BCAS3: variants seen among roughly 807,000 people sequenced by gnomAD.
The protein encoded by BCAS3 is BCAS4/BCAS3 fusion.
Under a neutral mutation model 116.1 loss-of-function variants are expected in BCAS3, and 53 were observed. That is an observed-to-expected ratio of 0.46 (90% CI 0.37 to 0.57). The LOEUF (loss-of-function observed/expected upper bound fraction) is 0.57, where lower values mean the gene tolerates loss of function less well. Ranked by LOEUF, BCAS3 falls within the 20% of genes least tolerant of loss-of-function variation. BCAS3 has a pLI of 0.00. For missense variants in BCAS3, 917 were observed against 1,165.4 expected (o/e 0.79, Z 3.10); for synonymous variants, 391 against 408.2 (o/e 0.96, Z 0.51).
intron 22 of BCAS3, among the ~76,000 whole-genome samples, chr17:61,308,624 G>C (rs553719247): frequency 1.8e-4 from 27 of 152,146 alleles, no homozygotes; most frequent in African/African-American, 5.5e-4. Context: ...GCAGAGGCAG[G>C]GGGGTGGGGG....
At chr17:60,767,183 C>T (rs375656502) in intron 6 of BCAS3, among the ~76,000 whole-genome samples, 9 of 152,244 alleles carry the variant, frequency 5.9e-5, no homozygotes, top group Admixed American at 2.0e-4. Flanking sequence ...TGCTTCGGCT[C>T]GCCCTCCGTG....
intron 4 of BCAS3, among the ~76,000 whole-genome samples, chr17:60,693,505 T>G (rs1474825641): frequency 6.6e-6 from 1 of 151,402 alleles, no homozygotes; most frequent in Non-Finnish European, 1.5e-5. Flanking sequence ...GCCCCGACCT[T>G]CTGGGCTCAA....
At chr17:61,089,680 G>A (rs1000955891) in intron 22 of BCAS3, among the ~76,000 whole-genome samples, 3 of 151,398 alleles carry the variant, frequency 2.0e-5, no homozygotes, top group South Asian at 4.2e-4. Context: ...ACAGGCACGC[G>A]CCACCACGCC....
chr17:60,865,781 C>T (rs2054545356), intron 7 of BCAS3, among the ~76,000 whole-genome samples: 2 of 152,140 alleles, frequency 1.3e-5, no homozygotes, highest in African/African-American at 4.8e-5. Context: ...CTGGGTAAGA[C>T]TTCTTATACA....
At chr17:61,067,273 G>GTATATATATACATA (rs2070746121) in intron 19 of BCAS3, among the ~76,000 whole-genome samples, 1 of 58,796 alleles carries the variant, frequency 1.7e-5, no homozygotes, top group Non-Finnish European at 2.9e-5. Context: ...GTGTGTATGT[G>GTATATATATACATA]TATATATATA....
rs1313902846 is a variant in BCAS3 at position 61,354,971 on chromosome 17, G to A, written c.2426-13356G>A. 6.6e-6 allele frequency: 1 copy of A among 152,192 alleles called. No individual in the cohort carries two copies. The highest frequency in any genetic ancestry group is 1.5e-5 in the Non-Finnish European group (1 of 68,070). 9.4% of individuals were successfully genotyped at this position (152,192 alleles called of 1,614,324 possible). On this transcript the variant is annotated intron_variant, in intron 22 of 23. Transcript: ENST00000407086. The surrounding 1 kb of genome is among the most constrained non-coding windows in gnomAD (Gnocchi z 4.5). ...CAGCTACTGTCCCAGGGCCTTAGAG[G>A]AACAAATAGCCCCTGGCTCCAGATC... is the stretch of plus-strand genomic sequence containing the variant.
At chr17:60,707,035 A>G (rs1370976324) in intron 4 of BCAS3, among the ~76,000 whole-genome samples, 3 of 151,930 alleles carry the variant, frequency 2.0e-5, no homozygotes, top group Non-Finnish European at 2.9e-5. Flanking sequence ...CTTGTTGCCC[A>G]GGCTGGAGTG....
At chr17:61,301,108 G>A (rs2053391536) in intron 22 of BCAS3, among the ~76,000 whole-genome samples, 1 of 152,162 alleles carries the variant, frequency 6.6e-6, no homozygotes, top group Non-Finnish European at 1.5e-5. Context: ...TGCACCAGGG[G>A]TCAGCAAACT....
chr17:61,375,722 G>A (rs749958191), intron 23 of BCAS3, among the ~76,000 whole-genome samples: 1 of 151,878 alleles, frequency 6.6e-6, no homozygotes, highest in South Asian at 2.1e-4. Flanking sequence ...ACAGGCATGC[G>A]CCACCATGCC....
chr17:60,920,785 G>A (rs927398633), intron 12 of BCAS3, among the ~76,000 whole-genome samples: 4 of 151,904 alleles, frequency 2.6e-5, no homozygotes, highest in Non-Finnish European at 5.9e-5. Flanking sequence ...CAGGAGAATC[G>A]CTTGAACCCA....
chr17:60,865,662 T>A (rs1326174371), intron 7 of BCAS3, among the ~76,000 whole-genome samples: 1 of 152,190 alleles, frequency 6.6e-6, no homozygotes, highest in African/African-American at 2.4e-5. Context: ...TTCTTTGGGA[T>A]TTTTTATGTA....
At position 61,056,339 on chromosome 17, in the gene BCAS3, C is replaced by G. The variant is rs957556361; in HGVS notation, c.2029+15447C>G. Reference sequence around the variant, plus strand: ...TAACTGTGTGGCCTTAGTACAGTGCCCATGTTATATACTGATAGAAGTCAG... The same window carrying G: ...TAACTGTGTGGCCTTAGTACAGTGCGCATGTTATATACTGATAGAAGTCAG... On this transcript the variant is annotated intron_variant, in intron 19 of 23. Transcript: ENST00000407086. The surrounding 1 kb of genome is among the most constrained non-coding windows in gnomAD (Gnocchi z 4.9). Among the ~76,000 whole-genome samples, 5 of 152,026 alleles carry G rather than the reference C, an allele frequency of 3.3e-5. No homozygotes were observed. The highest frequency in any genetic ancestry group is 1.5e-5 in the Non-Finnish European group (1 of 68,016).
intron 6 of BCAS3, among the ~76,000 whole-genome samples, chr17:60,803,768 A>G (rs1372887899): frequency 7.4e-6 from 1 of 135,328 alleles, no homozygotes; most frequent in Non-Finnish European, 1.6e-5. Flanking sequence ...ATTTTTTTTC[A>G]TTTTCCCTCT....
At position 61,373,804 on chromosome 17, in the gene BCAS3, C is replaced by CTTTTTTTTTTTTTTTTTTTTTTTTTT. The variant is rs201141656; in HGVS notation, c.2593+5313_2593+5314insTTTTTTTTTTTTTTTTTTTTTTTTTT. On this transcript the variant is annotated intron_variant, in intron 23 of 23. Transcript: ENST00000407086. ...TTGCTGCTGTTAACTTCTTCTTCTT[C>CTTTTTTTTTTTTTTTTTTTTTTTTTT]TTTGTTTTTTTTTTTTTTTTTTTTG... is the stretch of plus-strand genomic sequence containing the variant. Among the ~76,000 whole-genome samples the CTTTTTTTTTTTTTTTTTTTTTTTTTT allele has an allele frequency of 2.6e-5, 2 of 76,084 alleles. 1 individual carries two copies. Among genetic ancestry groups the CTTTTTTTTTTTTTTTTTTTTTTTTTT allele is most frequent in the Non-Finnish European group, 5.5e-5 (2 of 36,686 alleles). 49.9% of individuals were successfully genotyped at this position (76,084 alleles called of 152,430 possible). A position where few individuals can be genotyped will look rare whatever the true frequency, so the allele number is the denominator to read the frequency against.
intron 5 of BCAS3, among the ~76,000 whole-genome samples, chr17:60,714,120 A>C (rs1483135479): frequency 6.6e-6 from 1 of 152,082 alleles, no homozygotes; most frequent in Non-Finnish European, 1.5e-5. Flanking sequence ...TACAGGCGTG[A>C]GCTACCGTGC....
chr17:60,948,520 C>T (rs1258426277), intron 14 of BCAS3, among the ~76,000 whole-genome samples: 2 of 152,148 alleles, frequency 1.3e-5, no homozygotes, highest in African/African-American at 4.8e-5. Flanking sequence ...ACCTTATATG[C>T]ACTTGCCAAT....
At chr17:60,934,266 C>G (rs769473703) in intron 13 of BCAS3, among the ~76,000 whole-genome samples, 9 of 152,104 alleles carry the variant, frequency 5.9e-5, no homozygotes, top group Non-Finnish European at 1.2e-4. Context: ...AGTGAAGAGC[C>G]TTTTCCATTC....
intron 22 of BCAS3, among the ~76,000 whole-genome samples, chr17:61,270,993 G>A (rs1464048201): frequency 2.0e-5 from 3 of 151,910 alleles, no homozygotes; most frequent in South Asian, 2.1e-4. Flanking sequence ...TCCTGATCTC[G>A]TGATCCGCCT....
intron 11 of BCAS3, among the ~76,000 whole-genome samples, chr17:60,903,155 G>T (rs1314863870): frequency 6.6e-6 from 1 of 151,894 alleles, no homozygotes; most frequent in East Asian, 1.9e-4. Flanking sequence ...CTGATTATAA[G>T]GTATTCTTGT....
Sources: gnomAD v4.1 joint callset for allele counts (sites outside exome capture counted in the v4.1 genomes callset) on GRCh38, gnomAD v4.1.1 for gene constraint, Gnocchi (gnomAD v3.1) non-coding constraint, MANE v1.5 for transcripts, NCBI Gene and HGNC (gene_info 2026-07-23, HGNC 2026-07-21) for gene names.